Variants in CETP observed in about 807,000 individuals in gnomAD.
CETP encodes BPI fold containing family F.
A neutral mutation model predicts 66.5 loss-of-function variants in CETP; 56 were observed. That is an observed-to-expected ratio of 0.84 (90% CI 0.68 to 1.05). The LOEUF (loss-of-function observed/expected upper bound fraction) is 1.05. Among genes scored for constraint, CETP ranks in the 50% least tolerant of loss-of-function variants. The pLI, the probability that CETP is intolerant of heterozygous loss-of-function variation, is 0.00. For synonymous variants in CETP, 251 were observed against 245.7 expected (o/e 1.02, Z -0.20); for missense variants, 612 against 609.6 (o/e 1.00, Z -0.04).
chr16:56,981,033 G>A, intron 11 of CETP, 125 bp from the exon 12 acceptor site: 3 of 788,826 alleles, frequency 3.8e-6, no homozygotes, highest in Admixed American at 1.8e-5. Flanking sequence ...AGCTAAGCCT[G>A]GTTCCCGTGT....
chr16:56,981,584 C>T (rs2056188339), intron 12 of CETP, 63 bp from the exon 13 acceptor site: 2 of 1,569,138 alleles, frequency 1.3e-6, no homozygotes, highest in Non-Finnish European at 1.8e-6. Flanking sequence ...AGTTTCTTTC[C>T]CAGGGGATGT....
At chr16:56,966,784 TATG>T (rs2056070043) in intron 2 of CETP, among the ~76,000 whole-genome samples, 1 of 148,342 alleles carries the variant, frequency 6.7e-6, no homozygotes, top group Non-Finnish European at 1.5e-5. Context: ...TTTTTTTTTT[TATG>T]CATTTTTAGT....
Position 56,969,417 on chromosome 16 carries a change from A to G in CETP, c.265A>G (p.Ser89Gly), listed in dbSNP as rs1249003042. Residue 89 changes from serine (S) to glycine (G), a missense_variant, in exon 3 of 16, where the codon AGC (serine) becomes GGC (glycine). Physicochemically the swap from Ser to Gly is moderately conservative, Grantham distance 56. Coordinates refer to ENST00000200676, the MANE Select transcript of CETP (RefSeq NM_000078.3). ...GATCAGCCACTTGTCCATCGCCAGC[A>G]GCCAGGTGGAGCTGGTGGAAGCCAA... is the stretch of plus-strand genomic sequence containing the variant. ...IQISHLSIAS[S>G]QVELVEAKSI... 1.9e-5 allele frequency: 31 copies of G among 1,614,130 alleles called. No homozygotes were observed. The highest frequency in any genetic ancestry group is 2.6e-5 in the Non-Finnish European group (31 of 1,180,040).
At chr16:56,980,468 A>T (rs1351102409) in intron 11 of CETP, among the ~76,000 whole-genome samples, 1 of 152,170 alleles carries the variant, frequency 6.6e-6, no homozygotes, top group African/African-American at 2.4e-5. Context: ...CACTGTGCCC[A>T]GTTTATTTAG....
rs554738455 is a variant in CETP, at chr16:56,969,925, G to A, written c.451G>A (p.Gly151Ser). 11 of 1,614,106 alleles carry A rather than the reference G, an allele frequency of 6.8e-6. No individual in the cohort carries two copies. The Admixed American group carries it at 1.2e-4, about 17-fold the overall frequency. The change falls in exon 5 of 16, where the codon GGT becomes AGT. Residue 151 changes from glycine to serine, a missense_variant. Coordinates refer to ENST00000200676, the MANE Select transcript of CETP (RefSeq NM_000078.3). ...QINTQLTCDS[G>S]RVRTDAPDCY... is the part of the protein sequence containing the mutation. ...GGGTCTCCCTGCAGCCTGTGACTCT[G>A]GTAGAGTGCGGACCGATGCCCCTGA...
chr16:56,982,974 CTG>C (rs1324258217), intron 14 of CETP, among the ~76,000 whole-genome samples: 1 of 152,208 alleles, frequency 6.6e-6, no homozygotes, highest in Non-Finnish European at 1.5e-5. Flanking sequence ...GGAGACCACT[CTG>C]TGTGGTTGCA....
intron 2 of CETP, among the ~76,000 whole-genome samples, chr16:56,964,594 A>G (rs1306443179): frequency 6.6e-6 from 1 of 152,098 alleles, no homozygotes; most frequent in African/African-American, 2.4e-5. Context: ...TCTTTGTCTT[A>G]AAGCCAATCT....
At position 56,976,565 on chromosome 16, in the gene CETP, G is replaced by A. The variant is rs534325628; in HGVS notation, c.981+1414G>A. On this transcript the variant is annotated intron_variant, in intron 10 of 15. Coordinates refer to ENST00000200676, the MANE Select transcript of CETP (RefSeq NM_000078.3). ...CAACTCACTGCAACCTCCACCTTCC[G>A]GGTTCAAGCAATTCTCCTGCCTCAG... 2.9e-3 allele frequency among the ~76,000 whole-genome samples: 433 copies of A among 151,588 alleles called. 1 individual carries two copies. The highest frequency in any genetic ancestry group is 0.01 in the African/African-American group (419 of 41,296).
At chr16:56,975,276 T>G in intron 10 of CETP, 125 bp downstream of exon 10, 8 of 822,944 alleles carry the variant, frequency 9.7e-6, no homozygotes, top group Non-Finnish European at 1.6e-5. Flanking sequence ...ACACAGCTCC[T>G]ACTCGGTTGT....
chr16:56,973,602 A>G, intron 9 of CETP, 92 bp downstream of exon 9: 1 of 1,455,302 alleles, frequency 6.9e-7, no homozygotes, highest in Non-Finnish European at 9.4e-7. Context: ...GGAAACTCGG[A>G]AACTTGGTGG....
chr16:56,971,021 TGC>T lies in CETP; in HGVS notation c.528-11_528-10del, dbSNP rs1331922697. On this transcript the variant is annotated splice_polypyrimidine_tract_variant and intron_variant, in intron 5 of 15. Coordinates refer to ENST00000200676, the MANE Select transcript of CETP (RefSeq NM_000078.3). ...CTGGTCAGGGGCTCATTGTGGTGCT[TGC>T]TGCCTTCAGGCCTGGGTGGATCAAG... 3 of 1,613,970 alleles carry T rather than the reference TGC, an allele frequency of 1.9e-6. No individual in the cohort carries two copies. In the Admixed American group the frequency reaches 5.0e-5, roughly 27 times the overall value.
At position 56,982,214 on chromosome 16, in the gene CETP, T is replaced by A; in HGVS notation, c.1298T>A (p.Val433Glu). 1 of 1,614,140 alleles carries A rather than the reference T, an allele frequency of 6.2e-7. No individual in the cohort carries two copies. The highest frequency in any genetic ancestry group is 8.5e-7 in the Non-Finnish European group (1 of 1,180,008). ...TTCCTGCAGTCAATGATCACCGCTG[T>A]GGGCATCCCTGAGGTCATGTCTCGT... ...QSFLQSMITAVGIPEVMSRLE... is the reference protein window; with the variant it reads ...QSFLQSMITAEGIPEVMSRLE... Residue 433 changes from valine (V) to glutamate (E), a missense_variant, in exon 14 of 16, where the codon GTG (valine) becomes GAG (glutamate). Physicochemically the swap from Val to Glu is moderately radical, Grantham distance 121. Coordinates refer to ENST00000200676, the MANE Select transcript of CETP (RefSeq NM_000078.3).
At chr16:56,971,467 C>A in intron 7 of CETP, 86 bp downstream of exon 7, 1 of 1,171,762 alleles carries the variant, frequency 8.5e-7, no homozygotes, top group South Asian at 1.2e-5. Flanking sequence ...TTGGGACTGT[C>A]ACTCTTCCTG....
chr16:56,981,928 G>A (rs906164168), intron 13 of CETP, among the ~76,000 whole-genome samples: 5 of 152,224 alleles, frequency 3.3e-5, no homozygotes, highest in South Asian at 2.1e-4. Flanking sequence ...GCCAAGCAGC[G>A]CCTCCCTGGA....
At chr16:56,970,485 T>C (rs1229467673) in intron 5 of CETP, among the ~76,000 whole-genome samples, 3 of 151,804 alleles carry the variant, frequency 2.0e-5, no homozygotes, top group African/African-American at 4.8e-5. Flanking sequence ...GGGATGGGAG[T>C]AGGATTTGAA....
At chr16:56,969,571 G>A (rs1490404661) in intron 3 of CETP, 40 bp from the exon 4 acceptor site, 2 of 1,614,240 alleles carry the variant, frequency 1.2e-6, no homozygotes, top group Non-Finnish European at 1.7e-6. Context: ...CTCTGGGCTG[G>A]AGGGCTGAAT....
At chr16:56,968,975 C>G (rs1407493087) in intron 2 of CETP, among the ~76,000 whole-genome samples, 102 of 151,968 alleles carry the variant, frequency 6.7e-4, no homozygotes, top group Non-Finnish European at 5.9e-5. Context: ...ATAGGCATTT[C>G]TAGATATAAA....
intron 2 of CETP, among the ~76,000 whole-genome samples, chr16:56,966,856 C>T (rs1421077847): frequency 2.0e-5 from 3 of 151,146 alleles, no homozygotes; most frequent in Admixed American, 6.6e-5. Context: ...CTCAGATGAT[C>T]CACCTGCCTC....
chr16:56,974,053 A>G (rs1340534563), intron 9 of CETP, among the ~76,000 whole-genome samples: 1 of 152,224 alleles, frequency 6.6e-6, no homozygotes, highest in Admixed American at 6.5e-5. Context: ...GGCTTAGGTC[A>G]GGTAGGCCCA....
Sources: allele counts gnomAD v4.1 joint callset (sites outside exome capture counted in the v4.1 genomes callset), GRCh38; gene constraint gnomAD v4.1.1; transcripts MANE v1.5; gene names NCBI Gene and HGNC (gene_info 2026-07-23, HGNC 2026-07-21).